The following WDR5 variants were observed in gnomAD, a reference collection of about 807,000 sequenced individuals.
WDR5 encodes the protein WD repeat domain 5.
For synonymous variants in WDR5, 144 were observed against 161.6 expected (o/e 0.89, Z 0.83); for missense variants, 187 against 416.9 (o/e 0.45, Z 4.80).
At chr9:134,137,763 C>T (rs183097583) in intron 1 of WDR5, among the ~76,000 whole-genome samples, 110 of 152,146 alleles carry the variant, frequency 7.2e-4, no homozygotes, top group African/African-American at 8.9e-4. Context: ...TTGCATTCCC[C>T]GCCACCCCCC....
intron 7 of WDR5, among the ~76,000 whole-genome samples, 171 bp from the exon 8 acceptor site, chr9:134,148,117 C>T (rs531513477): frequency 2.7e-5 from 4 of 150,862 alleles, no homozygotes; most frequent in African/African-American, 7.3e-5. Flanking sequence ...GAGCTGAGAT[C>T]GCACCCCAGC....
At chr9:134,155,136 G>A (rs1439390275) in intron 10 of WDR5, among the ~76,000 whole-genome samples, 3 of 152,214 alleles carry the variant, frequency 2.0e-5, no homozygotes, top group Admixed American at 6.5e-5. Context: ...AAATACTTGC[G>A]GCTGTCACAC....
chr9:134,150,234 C>T lies in WDR5; in HGVS notation c.585-1749C>T, dbSNP rs146570887. On this transcript the variant is annotated intron_variant, in intron 8 of 13. Coordinates refer to ENST00000358625, the MANE Select transcript of WDR5 (RefSeq NM_017588.3). Reference sequence around the variant, plus strand: ...AGCCTACCGTGCACAGAAAGGAATTCCCATAGCCAAGGAATTCATTCATTA... The same window carrying T: ...AGCCTACCGTGCACAGAAAGGAATTTCCATAGCCAAGGAATTCATTCATTA... 1.2e-3 allele frequency among the ~76,000 whole-genome samples: 184 copies of T among 152,278 alleles called. 1 individual carries two copies. The highest frequency in any genetic ancestry group is 3.5e-3 in the African/African-American group (146 of 41,544).
At chr9:134,140,666 G>A in intron 2 of WDR5, 37 bp from the exon 3 acceptor site, 7 of 1,562,914 alleles carry the variant, frequency 4.5e-6, no homozygotes, top group Non-Finnish European at 6.2e-6. Flanking sequence ...GGAACGTACA[G>A]TGGTGGTGAC....
intron 7 of WDR5, among the ~76,000 whole-genome samples, chr9:134,144,924 C>A (rs1285531507): frequency 6.6e-6 from 1 of 151,938 alleles, no homozygotes; most frequent in African/African-American, 2.4e-5. Context: ...GAGGTGGAGT[C>A]GGTCCCTCTG....
chr9:134,138,024 C>T (rs1310456338), intron 1 of WDR5, among the ~76,000 whole-genome samples: 1 of 152,220 alleles, frequency 6.6e-6, no homozygotes. Context: ...TTACAGGCGT[C>T]AGCCACTGTG....
At chr9:134,140,101 C>T (rs1013278335) in intron 2 of WDR5, 143 bp downstream of exon 2, 67 of 979,044 alleles carry the variant, frequency 6.8e-5, no homozygotes, top group East Asian at 3.7e-4. Context: ...GCATATCTGG[C>T]GAATGCTTGT....
Position 134,159,826 on chromosome 9 carries a change from G to T in WDR5, c.*1833G>T, listed in dbSNP as rs1439069611. 1 of 152,226 alleles carries T rather than the reference G, an allele frequency of 6.6e-6. No individual in the cohort carries two copies. The highest frequency in any genetic ancestry group is 2.4e-5 in the African/African-American group (1 of 41,452). The allele number at this position is 152,226 out of a possible 1,614,324, so 9.4% of individuals were successfully genotyped here. Reference sequence around the variant, plus strand: ...GAGGCCCCTTCAGTCTTGTTCTGGGGGGACGGCCCACTCCGGGGAGGGGGT... The same window carrying T: ...GAGGCCCCTTCAGTCTTGTTCTGGGTGGACGGCCCACTCCGGGGAGGGGGT... On this transcript the variant is annotated 3_prime_UTR_variant, in exon 14 of 14. Coordinates refer to ENST00000358625, the MANE Select transcript of WDR5 (RefSeq NM_017588.3). The surrounding 1 kb of genome is among the most constrained non-coding windows in gnomAD (Gnocchi z 4.3).
chr9:134,158,569 G>C lies in WDR5; in HGVS notation c.*576G>C, dbSNP rs1202396548. 1.3e-5 allele frequency: 2 copies of C among 152,342 alleles called. No homozygotes were observed. The highest frequency in any genetic ancestry group is 4.8e-5 in the African/African-American group (2 of 41,452). The allele number at this position is 152,342 out of a possible 1,614,324, so 9.4% of individuals were successfully genotyped here. On this transcript the variant is annotated 3_prime_UTR_variant, in exon 14 of 14. Coordinates refer to ENST00000358625, the MANE Select transcript of WDR5 (RefSeq NM_017588.3). ...CTGTGTAAAGAGCCGTTTGTGTCTT[G>C]GGAGTTTGTGGCCCACATGCCGATA...
chr9:134,140,107 C>T (rs1831803623), intron 2 of WDR5, 149 bp downstream of exon 2: 1 of 927,624 alleles, frequency 1.1e-6, no homozygotes, highest in East Asian at 2.7e-5. Flanking sequence ...CTGGCGAATG[C>T]TTGTTGCCTG....
chr9:134,142,093 A>G, intron 5 of WDR5, 55 bp downstream of exon 5: 1 of 1,424,066 alleles, frequency 7.0e-7, no homozygotes, highest in Non-Finnish European at 9.5e-7. Context: ...GGCACGGGGC[A>G]GGTGCGGGGG....
chr9:134,142,206 C>A, intron 5 of WDR5, 127 bp from the exon 6 acceptor site: 1 of 1,184,770 alleles, frequency 8.4e-7, no homozygotes. Flanking sequence ...GAGTTGACTT[C>A]GGGGAACAGC....
Sources: gnomAD v4.1 joint callset for allele counts (sites outside exome capture counted in the v4.1 genomes callset) on GRCh38, gnomAD v4.1.1 for gene constraint, Gnocchi (gnomAD v3.1) non-coding constraint, MANE v1.5 for transcripts, NCBI Gene and HGNC (gene_info 2026-07-23, HGNC 2026-07-21) for gene names.